The following HPSE2 variants were observed in gnomAD, a reference collection of about 807,000 sequenced individuals.
HPSE2 encodes inactive heparanase-2.
In HPSE2, 38 loss-of-function variants were observed where a neutral mutation model predicts 60.5. The observed-to-expected ratio is 0.63, with a 90% CI of 0.48 to 0.82. The LOEUF is 0.82. Among genes scored for constraint, HPSE2 ranks in the 40% least tolerant of loss-of-function variants. HPSE2 has a pLI of 0.00. For synonymous variants in HPSE2, 295 were observed against 293.2 expected, an observed-to-expected ratio of 1.01 and a Z score of -0.06; for missense variants, 713 against 740.4, an observed-to-expected ratio of 0.96 and a Z score of 0.43.
intron 3 of HPSE2, among the ~76,000 whole-genome samples, chr10:99,071,518 CA>C (rs551462936): frequency 2.3e-4 from 35 of 152,186 alleles, no homozygotes; most frequent in Non-Finnish European, 4.7e-4. Flanking sequence ...GCCATCCTAA[CA>C]GATATGAAGT....
At chr10:98,610,026 A>G (rs1271334059) in intron 9 of HPSE2, among the ~76,000 whole-genome samples, 3 of 151,940 alleles carry the variant, frequency 2.0e-5, no homozygotes, top group Non-Finnish European at 4.4e-5. Context: ...TATTTTTACT[A>G]GAGACGGGGT....
At chr10:99,008,323 A>T (rs1021359617) in intron 3 of HPSE2, among the ~76,000 whole-genome samples, 1 of 152,234 alleles carries the variant, frequency 6.6e-6, no homozygotes, top group African/African-American at 2.4e-5. Flanking sequence ...GCTGAGTTCA[A>T]TAAAAAGCAC....
intron 3 of HPSE2, among the ~76,000 whole-genome samples, chr10:98,840,891 G>A (rs1951895605): frequency 6.6e-6 from 1 of 152,104 alleles, no homozygotes; most frequent in Admixed American, 6.6e-5. Flanking sequence ...ACACAGCATT[G>A]GATTATTCAC....
intron 9 of HPSE2, among the ~76,000 whole-genome samples, chr10:98,575,787 A>G (rs971503971): frequency 1.3e-5 from 2 of 152,168 alleles, no homozygotes; most frequent in African/African-American, 4.8e-5. Context: ...GTCTCCAACA[A>G]CCACCACCAT....
chr10:98,631,036 A>T (rs1946354416), intron 7 of HPSE2, among the ~76,000 whole-genome samples: 1 of 152,076 alleles, frequency 6.6e-6, no homozygotes. Context: ...ATTCCTCTTG[A>T]TGCATTTCTT....
At chr10:98,695,456 G>A (rs1248227313) in intron 5 of HPSE2, among the ~76,000 whole-genome samples, 2 of 152,318 alleles carry the variant, frequency 1.3e-5, no homozygotes, top group African/African-American at 2.4e-5. Context: ...AAATGTCAAC[G>A]TGGGCTGGAG....
the HPSE2 span, among the ~76,000 whole-genome samples, chr10:99,305,959 A>ACATAAG: frequency 6.1e-4 from 18 of 29,704 alleles, no homozygotes; most frequent in South Asian, 1.5e-3. Context: ...AAACTCACAC[A>ACATAAG]CACGCGCGCG....
chr10:98,670,998 T>A (rs565184999), intron 6 of HPSE2, among the ~76,000 whole-genome samples: 4 of 152,230 alleles, frequency 2.6e-5, no homozygotes, highest in Admixed American at 2.6e-4. Flanking sequence ...TGCTACACAG[T>A]AAGCATTTCC....
intron 6 of HPSE2, among the ~76,000 whole-genome samples, chr10:98,667,968 TAAGAG>T (rs1330590460): frequency 6.6e-6 from 1 of 152,138 alleles, no homozygotes. Flanking sequence ...GGCATCCAAA[TAAGAG>T]AAGAAGAAAT....
intron 7 of HPSE2, among the ~76,000 whole-genome samples, chr10:98,641,310 G>A (rs1002264184): frequency 6.6e-6 from 1 of 152,124 alleles, no homozygotes; most frequent in South Asian, 2.1e-4. Flanking sequence ...CTTTAGGTCA[G>A]GCACAGCGGC....
chr10:99,216,188 C>CTTTTTTTTTTTTTTTTTTTTTTTTTT (rs550046406), intron 2 of HPSE2, among the ~76,000 whole-genome samples: 3 of 97,674 alleles, frequency 3.1e-5, no homozygotes, highest in Non-Finnish European at 5.6e-5. Context: ...ATAACCTAAA[C>CTTTTTTTTTTTTTTTTTTTTTTTTTT]TTTTTTTTTT....
At chr10:98,743,761 C>A in intron 4 of HPSE2, 122 bp downstream of exon 4, 1 of 895,186 alleles carries the variant, frequency 1.1e-6, no homozygotes. Context: ...ACTCAGTGGC[C>A]AAACATCACA....
In HPSE2 at chr10:99,006,818, G is replaced by A. The variant is rs988934716; in HGVS notation, c.610+137420C>T. ...GGGCTGCTGGGGTAGGCCTGGTATC[G>A]GGGCAGCCACAAGTCCTAGTGTGCA... On this transcript the variant is annotated intron_variant, in intron 3 of 11. Transcript: ENST00000370552. Among the ~76,000 whole-genome samples the A allele has an allele frequency of 4.6e-5, 7 of 151,744 alleles. 1 individual carries two copies. The highest frequency in any genetic ancestry group is 3.3e-4 in the Admixed American group (5 of 15,274).
At chr10:99,101,877 A>T (rs140105807) in intron 3 of HPSE2, among the ~76,000 whole-genome samples, 5,564 of 152,286 alleles carry the variant, frequency 0.037, 307 homozygotes, top group African/African-American at 0.11. Context: ...CCTGCTCCTG[A>T]ATGACTACTG....
intron 11 of HPSE2, among the ~76,000 whole-genome samples, chr10:98,472,617 C>T (rs1940825521): frequency 6.6e-6 from 1 of 152,162 alleles, no homozygotes; most frequent in African/African-American, 2.4e-5. Flanking sequence ...CACTGAGGCT[C>T]CTTACCTTTC....
chr10:99,023,445 A>G (rs1957308641), intron 3 of HPSE2, among the ~76,000 whole-genome samples: 1 of 152,176 alleles, frequency 6.6e-6, no homozygotes, highest in African/African-American at 2.4e-5. Flanking sequence ...AGAAGAATAC[A>G]GGCCTGGCTG....
At chr10:98,714,201 C>T (rs7090824) in intron 5 of HPSE2, among the ~76,000 whole-genome samples, 74,838 of 151,612 alleles carry the variant, frequency 0.49, 20,871 homozygotes, top group South Asian at 0.75. Flanking sequence ...GACTCTTAAA[C>T]GCTTTTTGGA....
At chr10:98,543,154 A>G (rs1475685929) in intron 9 of HPSE2, among the ~76,000 whole-genome samples, 4 of 152,206 alleles carry the variant, frequency 2.6e-5, no homozygotes, top group Admixed American at 2.0e-4. Context: ...ACAAGCCAGA[A>G]GAGAGTGGGG....
In HPSE2 at chr10:99,186,542, C is replaced by CAAAAAAAAA. The variant is rs60186369; in HGVS notation, c.449-42152_449-42144dup. Among the ~76,000 whole-genome samples, 16 of 59,480 alleles carry CAAAAAAAAA rather than the reference C, an allele frequency of 2.7e-4. 1 individual carries two copies. The highest frequency in any genetic ancestry group is 6.3e-4 in the East Asian group (1 of 1,576). The allele number at this position is 59,480 out of a possible 152,430, so 39.0% of individuals were successfully genotyped here. On this transcript the variant is annotated intron_variant, in intron 2 of 11. Transcript: ENST00000370552. The stretch of plus-strand genomic sequence containing the variant: ...TAGGTGACAGAGTGAGACTCCATCT[C>CAAAAAAAAA]AAAAAAAAAAAAAAAAAAAAAAAAA...
Sources: allele counts gnomAD v4.1 joint callset (sites outside exome capture counted in the v4.1 genomes callset), GRCh38; gene constraint gnomAD v4.1.1; transcripts MANE v1.5; gene names NCBI Gene and HGNC (gene_info 2026-07-23, HGNC 2026-07-21).